TMEM266: variants seen among roughly 807,000 people sequenced by gnomAD.
The protein encoded by TMEM266 is Hv1 related protein 1.
TMEM266 carries 33 observed loss-of-function variants against 50.5 expected under a neutral mutation model. That is an observed-to-expected ratio of 0.65 (90% CI 0.50 to 0.87). The LOEUF is 0.87. Among genes scored for constraint, TMEM266 ranks in the 40% least tolerant of loss-of-function variants. The pLI, the probability that TMEM266 is intolerant of heterozygous loss-of-function variation, is 0.00. For synonymous variants in TMEM266, 310 were observed against 292.3 expected, an observed-to-expected ratio of 1.06 and a Z score of -0.62; for missense variants, 655 against 695.1, an observed-to-expected ratio of 0.94 and a Z score of 0.65.
intron 1 of TMEM266, among the ~76,000 whole-genome samples, chr15:76,067,376 T>C (rs1009240690): frequency 2.6e-5 from 4 of 151,706 alleles, no homozygotes; most frequent in African/African-American, 9.7e-5. Flanking sequence ...GGTGCGGTGG[T>C]TCACGCCTAT....
intron 1 of TMEM266, among the ~76,000 whole-genome samples, chr15:76,098,586 C>CCCTTAGCA (rs2036954828): frequency 6.6e-6 from 1 of 152,078 alleles, no homozygotes; most frequent in Non-Finnish European, 1.5e-5. Context: ...GGCAGTCTGA[C>CCCTTAGCA]CCTTAGCAGA....
At position 76,130,250 on chromosome 15, in the gene TMEM266, AAAAAC is replaced by A. The variant is rs2037487520; in HGVS notation, c.-96-3917_-96-3913del. Among the ~76,000 whole-genome samples the A allele has an allele frequency of 3.2e-5, 3 of 94,148 alleles. 1 individual carries two copies. Among genetic ancestry groups the A allele is most frequent in the African/African-American group, 1.9e-4 (3 of 15,864 alleles). 61.8% of individuals were successfully genotyped at this position (94,148 alleles called of 152,430 possible). On this transcript the variant is annotated intron_variant, in intron 1 of 10. Transcript: ENST00000388942. ...AAAAAAAAAAAAAAAAAAAAAAAAA[AAAAAC>A]CGCCGGGTGCAGTGTCTCATGCCTG...
chr15:76,182,229 C>A (rs892227860), intron 8 of TMEM266, among the ~76,000 whole-genome samples: 3 of 152,262 alleles, frequency 2.0e-5, no homozygotes, highest in Non-Finnish European at 4.4e-5. Context: ...TTCCCTTTAA[C>A]CCCTGAGCCT....
chr15:76,134,130 G>T, intron 1 of TMEM266, 38 bp from the exon 2 acceptor site: 1 of 898,154 alleles, frequency 1.1e-6, no homozygotes, highest in Non-Finnish European at 1.7e-6. Flanking sequence ...ACTTTGGTTT[G>T]GCATCTGAAG....
Position 76,134,311 on chromosome 15 carries a change from G to T in TMEM266, c.38+10G>T. ...ACATGACCAATCCACAGTAAGTAAT[G>T]CTGGGATCTGCTCTCTGGATCCAGA... is the stretch of plus-strand genomic sequence containing the variant. On this transcript the variant is annotated intron_variant, in intron 2 of 10. Coordinates refer to ENST00000388942, the MANE Select transcript of TMEM266 (RefSeq NM_152335.3). The T allele has an allele frequency of 6.2e-7, 1 of 1,612,174 alleles. No homozygotes were observed. The highest frequency in any genetic ancestry group is 8.5e-7 in the Non-Finnish European group (1 of 1,178,264).
chr15:76,112,362 AT>A (rs1178109372), intron 1 of TMEM266, among the ~76,000 whole-genome samples: 1 of 152,214 alleles, frequency 6.6e-6, no homozygotes, highest in Non-Finnish European at 1.5e-5. Context: ...CATGTTAAAA[AT>A]AGGGGAAACT....
chr15:76,123,949 G>T (rs777153565), intron 1 of TMEM266, among the ~76,000 whole-genome samples: 4 of 152,176 alleles, frequency 2.6e-5, no homozygotes, highest in Non-Finnish European at 5.9e-5. Flanking sequence ...CTAACCTCAG[G>T]TGATCTGCCC....
rs2037651336 is a variant in TMEM266, at chr15:76,139,896, C to T, written c.227+2001C>T. Among the ~76,000 whole-genome samples the T allele has an allele frequency of 6.6e-6, 1 of 152,196 alleles. No homozygotes were observed. Among genetic ancestry groups the T allele is most frequent in the African/African-American group, 2.4e-5 (1 of 41,456 alleles). ...GGGTGGACCTTGCTATGGGTGTTCC[C>T]CCACCAGGTGTACCACCCTGTGATG... is the stretch of plus-strand genomic sequence containing the variant. On this transcript the variant is annotated intron_variant, in intron 3 of 10. Transcript: ENST00000388942. The surrounding 1 kb of genome is among the most constrained non-coding windows in gnomAD (Gnocchi z 4.1).
At chr15:76,180,600 T>A (rs1446596674) in intron 8 of TMEM266, among the ~76,000 whole-genome samples, 1 of 141,146 alleles carries the variant, frequency 7.1e-6, no homozygotes, top group Non-Finnish European at 1.5e-5. Flanking sequence ...TGTTTCTTCA[T>A]CTTAAGCTTT....
At chr15:76,061,112 TACCTCC>T (rs2036293637) in intron 1 of TMEM266, among the ~76,000 whole-genome samples, 1 of 152,062 alleles carries the variant, frequency 6.6e-6, no homozygotes, top group Admixed American at 6.6e-5. Flanking sequence ...CTCCCCCAAA[TACCTCC>T]ACCCTAAAAT....
At chr15:76,076,382 C>G (rs911350173) in intron 1 of TMEM266, among the ~76,000 whole-genome samples, 4 of 152,090 alleles carry the variant, frequency 2.6e-5, no homozygotes, top group African/African-American at 9.7e-5. Context: ...CTCTTGGACC[C>G]TCAAGCAATG....
chr15:76,104,131 C>T (rs1372228745), intron 1 of TMEM266, among the ~76,000 whole-genome samples: 1 of 151,294 alleles, frequency 6.6e-6, no homozygotes, highest in Non-Finnish European at 1.5e-5. Context: ...AGCGGGAACC[C>T]AGGAGGCAGA....
At chr15:76,108,070 G>A (rs569891656) in intron 1 of TMEM266, among the ~76,000 whole-genome samples, 3 of 152,352 alleles carry the variant, frequency 2.0e-5, no homozygotes, top group South Asian at 4.1e-4. Flanking sequence ...GCCTGGCTAC[G>A]TGAGGCTCCA....
At chr15:76,177,224 G>A (rs1020324201) in intron 8 of TMEM266, among the ~76,000 whole-genome samples, 2 of 152,260 alleles carry the variant, frequency 1.3e-5, no homozygotes, top group African/African-American at 4.8e-5. Flanking sequence ...GATGCCCCCT[G>A]AAGGCAAGCC....
At chr15:76,177,073 A>G (rs2038295014) in intron 8 of TMEM266, among the ~76,000 whole-genome samples, 1 of 151,906 alleles carries the variant, frequency 6.6e-6, no homozygotes, top group Admixed American at 6.6e-5. Flanking sequence ...TCTACAGAGC[A>G]TGTTCCCCCC....
At chr15:76,137,614 A>G in intron 2 of TMEM266, 93 bp from the exon 3 acceptor site, 7 of 1,291,818 alleles carry the variant, frequency 5.4e-6, no homozygotes, top group South Asian at 1.3e-5. Flanking sequence ...CTCCACTGGC[A>G]TAGCAGCATT....
chr15:76,111,171 C>T (rs2037166088), intron 1 of TMEM266, among the ~76,000 whole-genome samples: 1 of 151,764 alleles, frequency 6.6e-6, no homozygotes, highest in African/African-American at 2.4e-5. Context: ...ACCTTTGCCT[C>T]CTGGGTTCAA....
chr15:76,084,623 CAG>C (rs751651330), intron 1 of TMEM266, among the ~76,000 whole-genome samples: 94 of 150,320 alleles, frequency 6.3e-4, no homozygotes, highest in Middle Eastern at 3.4e-3. Flanking sequence ...TTTTTTGAGA[CAG>C]AGTCTTGCTG....
At chr15:76,076,040 T>A (rs34098089) in intron 1 of TMEM266, among the ~76,000 whole-genome samples, 1 of 151,264 alleles carries the variant, frequency 6.6e-6, no homozygotes, top group Non-Finnish European at 1.5e-5. Context: ...AATTTTTCTG[T>A]AGAAACAGGG....
Sources: allele counts gnomAD v4.1 joint callset (sites outside exome capture counted in the v4.1 genomes callset), GRCh38; gene constraint gnomAD v4.1.1; non-coding constraint Gnocchi (gnomAD v3.1); transcripts MANE v1.5; gene names NCBI Gene and HGNC (gene_info 2026-07-23, HGNC 2026-07-21).